ARRDC5: variants seen among roughly 807,000 people sequenced by gnomAD.
ARRDC5 encodes arrestin domain containing 5, also known as arrestin domain-containing protein 5.
In ARRDC5, 12 loss-of-function variants were observed where a neutral mutation model predicts 13.3. That is an observed-to-expected ratio of 0.90 (90% CI 0.58 to 1.46). The LOEUF (loss-of-function observed/expected upper bound fraction) is 1.46, where lower values mean the gene tolerates loss of function less well. Among genes scored for constraint, ARRDC5 ranks in the 40% most tolerant of loss-of-function variants. The pLI is 0.00. For missense variants in ARRDC5, 406 were observed against 418.7 expected (o/e 0.97, Z 0.26); for synonymous variants, 181 against 173.4 (o/e 1.04, Z -0.34).
chr19:4,911,132 C>T, the ARRDC5 span: 9 of 1,266,450 alleles, frequency 7.1e-6, no homozygotes, highest in South Asian at 3.3e-5. Context: ...CACCTCCCCC[C>T]CCAACAACCT....
At chr19:4,896,359 TTTACACACACACACACACACAC>T (rs2031727373) in intron 2 of ARRDC5, among the ~76,000 whole-genome samples, 1 of 82,990 alleles carries the variant, frequency 1.2e-5, no homozygotes, top group Admixed American at 1.5e-4. Context: ...TTTTTTTTTT[TTTACACACACACACACACACAC>T]ACACACACAC....
chr19:4,901,487 G>A (rs1599221817), intron 1 of ARRDC5, among the ~76,000 whole-genome samples: 3 of 151,978 alleles, frequency 2.0e-5, no homozygotes, highest in African/African-American at 7.3e-5. Flanking sequence ...GGTGGCGGGT[G>A]CCTGTAATCC....
In ARRDC5 at chr19:4,902,725, G is replaced by GTGCT. The variant is rs1166740497; in HGVS notation, c.97_100dup (p.Thr34LysfsTer22). The GTGCT allele has an allele frequency of 6.2e-7, 1 of 1,613,994 alleles. No individual in the cohort carries two copies. The highest frequency in any genetic ancestry group is 8.5e-7 in the Non-Finnish European group (1 of 1,179,898). Reference sequence around the variant, plus strand: ...CACCTTCACTATGGGGTCCACCAGGGTGCTGTTCAGGGTTAAGATCACCTG... The same window carrying GTGCT: ...CACCTTCACTATGGGGTCCACCAGGGTGCTTGCTGTTCAGGGTTAAGATCACCTG... On this transcript the variant is annotated frameshift_variant, in exon 1 of 3. Transcript: ENST00000650722. LOFTEE classifies it high-confidence loss of function.
intron 2 of ARRDC5, among the ~76,000 whole-genome samples, chr19:4,896,430 C>T (rs912595620): frequency 1.4e-5 from 2 of 142,976 alleles, no homozygotes; most frequent in Non-Finnish European, 3.0e-5. Flanking sequence ...ATTTTAGAGA[C>T]AGGGTCTCAC....
At chr19:4,895,475 C>A (rs1344554935) in intron 2 of ARRDC5, among the ~76,000 whole-genome samples, 1 of 150,966 alleles carries the variant, frequency 6.6e-6, no homozygotes, top group African/African-American at 2.4e-5. Flanking sequence ...AAAAAAATGC[C>A]AGCCCTCTGA....
In ARRDC5 at chr19:4,891,984, G is replaced by T. The variant is rs2031529632; in HGVS notation, c.460-411C>A. Among the ~76,000 whole-genome samples the T allele has an allele frequency of 1.3e-5, 2 of 151,074 alleles. 1 individual carries two copies. The highest frequency in any genetic ancestry group is 4.2e-4 in the South Asian group (2 of 4,788). Reference sequence around the variant, plus strand: ...AAAAAAAAAAGTCTCTGGGGCTTTGGGGGCTCTCCTAGGAAGAGGCATTAA... The same window carrying T: ...AAAAAAAAAAGTCTCTGGGGCTTTGTGGGCTCTCCTAGGAAGAGGCATTAA... On this transcript the variant is annotated intron_variant, in intron 2 of 2. Transcript: ENST00000650722.
chr19:4,902,804 C>G lies in ARRDC5; in HGVS notation c.22G>C (p.Glu8Gln), dbSNP rs769355284. 1.2e-6 allele frequency: 2 copies of G among 1,613,904 alleles called. No individual in the cohort carries two copies. Among genetic ancestry groups the G allele is most frequent in the South Asian group, 2.2e-5 (2 of 91,064 alleles). The change falls in exon 1 of 3, where the codon GAA becomes CAA. Residue 8 changes from glutamate to glutamine, a missense_variant. By Grantham distance (29) the Glu-to-Gln change is conservative. Coordinates refer to ENST00000650722, the MANE Select transcript of ARRDC5 (RefSeq NM_001080523.3). MSVVKSI[E>Q]LVLPEDRIYL... ...ATTCTATCCTCGGGCAGCACTAATT[C>G]GATCGACTTCACCACAGACATGGGG... is the stretch of plus-strand genomic sequence containing the variant.
At chr19:4,905,506 ATTATTTAT>A (rs530528534), upstream of ARRDC5, among the ~76,000 whole-genome samples, 3 of 149,446 alleles carry the variant, frequency 2.0e-5, no homozygotes, top group Non-Finnish European at 3.0e-5. Context: ...AGTGTATTTT[ATTATTTAT>A]TTATTTATTT....
chr19:4,916,676 C>T, the ARRDC5 span, among the ~76,000 whole-genome samples: 54 of 152,230 alleles, frequency 3.5e-4, no homozygotes, highest in African/African-American at 1.0e-3. Flanking sequence ...CTGTCTCCTC[C>T]GTGTCTAGGA....
the ARRDC5 span, chr19:4,910,972 G>A: frequency 1.9e-6 from 3 of 1,613,326 alleles, no homozygotes; most frequent in Non-Finnish European, 2.5e-6. Flanking sequence ...AGGAGCTGAG[G>A]CGGAAGATCC....
chr19:4,896,043 G>A (rs2031698131), intron 2 of ARRDC5, among the ~76,000 whole-genome samples: 1 of 152,154 alleles, frequency 6.6e-6, no homozygotes, highest in Non-Finnish European at 1.5e-5. Context: ...GGCCTGGCAT[G>A]GTGGCTCACG....
Position 4,890,870 on chromosome 19 carries a change from C to A in ARRDC5, c.*176G>T, listed in dbSNP as rs1250276650. On this transcript the variant is annotated 3_prime_UTR_variant, in exon 3 of 3. Coordinates refer to ENST00000650722, the MANE Select transcript of ARRDC5 (RefSeq NM_001080523.3). ...CCCGGTTTCCTTTGTCCATTCCAGG[C>A]ATTCAGTGATAGTTCTAGGGAGGGG... is the stretch of plus-strand genomic sequence containing the variant. 1 of 598,002 alleles carries A rather than the reference C, an allele frequency of 1.7e-6. No individual in the cohort carries two copies. The highest frequency in any genetic ancestry group is 2.9e-5 in the East Asian group (1 of 35,072). The allele number at this position is 598,002 out of a possible 1,614,324, so 37.0% of individuals were successfully genotyped here.
upstream of ARRDC5, among the ~76,000 whole-genome samples, chr19:4,907,632 C>A (rs140092250): frequency 1.8e-4 from 26 of 145,632 alleles, no homozygotes; most frequent in African/African-American, 5.8e-4. Context: ...AGGGGCAGGG[C>A]GGGTTCTAGG....
upstream of ARRDC5, among the ~76,000 whole-genome samples, chr19:4,905,663 A>G (rs1294970732): frequency 2.0e-5 from 3 of 151,912 alleles, no homozygotes; most frequent in African/African-American, 7.3e-5. Context: ...GATTATAGGC[A>G]CGTGCCACCA....
the ARRDC5 span, chr19:4,910,839 TA>T: frequency 6.4e-7 from 1 of 1,571,452 alleles, no homozygotes; most frequent in Non-Finnish European, 8.7e-7. Context: ...GAGGTGCTGG[TA>T]AAACTGATGG....
chr19:4,908,343 G>A, the ARRDC5 span, among the ~76,000 whole-genome samples: 1 of 152,096 alleles, frequency 6.6e-6, no homozygotes, highest in East Asian at 1.9e-4. Flanking sequence ...ATAGAGTGAC[G>A]AAGAAACTGT....
At chr19:4,903,654 C>T (rs1225138474), upstream of ARRDC5, 3 of 151,722 alleles carry the variant, frequency 2.0e-5, no homozygotes, top group Admixed American at 2.0e-4. Context: ...AGGCAAGTGC[C>T]ACTGCAACTA....
At position 4,902,604 on chromosome 19, in the gene ARRDC5, G is replaced by C; in HGVS notation, c.222C>G (p.Tyr74Ter). The change falls in exon 1 of 3, where the codon TAC becomes TAG. Residue 74 changes from tyrosine to a stop codon, truncating the protein, a stop_gained. Coordinates refer to ENST00000650722, the MANE Select transcript of ARRDC5 (RefSeq NM_001080523.3). LOFTEE classifies it high-confidence loss of function. The stretch of plus-strand genomic sequence containing the variant: ...CTGGGAATGTCTTTGTCTTATGCAC[G>C]TAGTCTGCCTTGTTGTTGCAAATAA... ...RNVICNNKAD[Y>*]VHKTKTFPVE... 6.2e-7 allele frequency: 1 copy of C among 1,613,976 alleles called. No homozygotes were observed. The highest frequency in any genetic ancestry group is 8.5e-7 in the Non-Finnish European group (1 of 1,179,888).
At chr19:4,915,495 C>T in the ARRDC5 span, among the ~76,000 whole-genome samples, 1 of 152,266 alleles carries the variant, frequency 6.6e-6, no homozygotes, top group East Asian at 1.9e-4. Context: ...AGGCGGATCA[C>T]CTGAGGTCAG....
Sources: gnomAD v4.1 joint callset for allele counts (sites outside exome capture counted in the v4.1 genomes callset) on GRCh38, gnomAD v4.1.1 for gene constraint, MANE v1.5 for transcripts, NCBI Gene and HGNC (gene_info 2026-07-23, HGNC 2026-07-21) for gene names.